The following KCND2 variants were observed in gnomAD, a reference collection of about 807,000 sequenced individuals.
The protein encoded by KCND2 is potassium voltage-gated channel subfamily D member 2.
Under a neutral mutation model 54.4 loss-of-function variants are expected in KCND2, and 16 were observed. The ratio of observed to expected loss-of-function variants is 0.29; its 90% CI spans 0.20 to 0.45. KCND2 has a LOEUF of 0.45. Among genes scored for constraint, KCND2 ranks in the 20% least tolerant of loss-of-function variants. The pLI is 1.00. For missense variants in KCND2, 486 were observed against 824.2 expected (o/e 0.59, Z 5.02); for synonymous variants, 317 against 310.7 (o/e 1.02, Z -0.21).
intron 1 of KCND2, among the ~76,000 whole-genome samples, chr7:120,618,861 A>G (rs1023911831): frequency 1.3e-5 from 2 of 151,986 alleles, no homozygotes; most frequent in African/African-American, 4.8e-5. Flanking sequence ...TATTTTTTTT[A>G]GAGATGAGGT....
At chr7:120,536,888 A>T (rs189661066) in intron 1 of KCND2, among the ~76,000 whole-genome samples, 14 of 152,230 alleles carry the variant, frequency 9.2e-5, no homozygotes, top group Admixed American at 7.2e-4. Context: ...AATGATTCAC[A>T]ATATTTTCTT....
At chr7:120,484,790 TTAAAAG>T (rs1436898174) in intron 1 of KCND2, among the ~76,000 whole-genome samples, 1 of 151,392 alleles carries the variant, frequency 6.6e-6, no homozygotes, top group East Asian at 1.9e-4. Context: ...CAGCAAAAAA[TTAAAAG>T]TAAAATTTTT....
At chr7:120,714,705 A>G (rs1055972906) in intron 1 of KCND2, among the ~76,000 whole-genome samples, 1 of 152,004 alleles carries the variant, frequency 6.6e-6, no homozygotes, top group African/African-American at 2.4e-5. Flanking sequence ...GGGAGTCAAG[A>G]CATCCTTCTT....
intron 1 of KCND2, among the ~76,000 whole-genome samples, chr7:120,529,153 C>T (rs766682120): frequency 3.3e-5 from 5 of 152,040 alleles, no homozygotes; most frequent in Admixed American, 1.3e-4. Context: ...GAAAGTAAGC[C>T]GAGGGCATGC....
chr7:120,683,978 T>A (rs1792170789), intron 1 of KCND2, among the ~76,000 whole-genome samples: 1 of 152,160 alleles, frequency 6.6e-6, no homozygotes, highest in East Asian at 1.9e-4. Flanking sequence ...TCTCTTTTCT[T>A]TTCTTTTTAA....
At chr7:120,450,512 G>GAGT (rs1802086913) in intron 1 of KCND2, among the ~76,000 whole-genome samples, 1 of 152,086 alleles carries the variant, frequency 6.6e-6, no homozygotes, top group African/African-American at 2.4e-5. Context: ...AGCAGAGAAG[G>GAGT]AGTACTAAGA....
intron 1 of KCND2, among the ~76,000 whole-genome samples, chr7:120,437,236 T>C (rs1390892969): frequency 7.2e-6 from 1 of 138,678 alleles, no homozygotes; most frequent in African/African-American, 2.7e-5. Flanking sequence ...AGAATCTTGC[T>C]CTGCTGCCCA....
chr7:120,646,324 G>A (rs1036959392), intron 1 of KCND2, among the ~76,000 whole-genome samples: 1 of 152,114 alleles, frequency 6.6e-6, no homozygotes, highest in Non-Finnish European at 1.5e-5. Flanking sequence ...CTCACTGATA[G>A]CTCCTTCTTT....
chr7:120,290,687 C>G (rs1028782530), intron 1 of KCND2, among the ~76,000 whole-genome samples: 3 of 151,950 alleles, frequency 2.0e-5, no homozygotes, highest in Non-Finnish European at 4.4e-5. Context: ...GTCTAGCTGG[C>G]ATATTATTCA....
At chr7:120,286,983 GA>G (rs1414511277) in intron 1 of KCND2, among the ~76,000 whole-genome samples, 1 of 151,948 alleles carries the variant, frequency 6.6e-6, no homozygotes, top group African/African-American at 2.4e-5. Context: ...GGTGGACAAA[GA>G]AAAGCAGGAA....
At chr7:120,321,947 A>G (rs192422363) in intron 1 of KCND2, among the ~76,000 whole-genome samples, 1 of 152,126 alleles carries the variant, frequency 6.6e-6, no homozygotes, top group Non-Finnish European at 1.5e-5. Flanking sequence ...AGCTCAGAGA[A>G]GATGATGTTA....
chr7:120,575,856 A>G (rs948041793), intron 1 of KCND2, among the ~76,000 whole-genome samples: 1 of 152,200 alleles, frequency 6.6e-6, no homozygotes, highest in African/African-American at 2.4e-5. Flanking sequence ...GAATTTTCCA[A>G]TTCTGTCCCT....
intron 1 of KCND2, among the ~76,000 whole-genome samples, chr7:120,677,283 G>A (rs1431838728): frequency 6.6e-6 from 1 of 152,054 alleles, no homozygotes; most frequent in East Asian, 1.9e-4. Context: ...GACTTACATC[G>A]GGGTTCTTTC....
intron 1 of KCND2, among the ~76,000 whole-genome samples, chr7:120,713,088 C>T (rs775962691): frequency 3.3e-5 from 5 of 152,144 alleles, no homozygotes; most frequent in Non-Finnish European, 5.9e-5. Context: ...TTAATAGCCA[C>T]CTCATTGTGA....
chr7:120,311,741 C>CCCCA (rs1290162669), intron 1 of KCND2, among the ~76,000 whole-genome samples: 1 of 152,138 alleles, frequency 6.6e-6, no homozygotes, highest in Non-Finnish European at 1.5e-5. Flanking sequence ...CTCCAAAAGG[C>CCCCA]CCCAGTGTGT....
intron 1 of KCND2, among the ~76,000 whole-genome samples, chr7:120,671,012 A>G (rs1018778521): frequency 3.3e-5 from 5 of 151,954 alleles, no homozygotes; most frequent in Admixed American, 2.0e-4. Flanking sequence ...CACTATAATT[A>G]TGTTTGTTTA....
intron 1 of KCND2, among the ~76,000 whole-genome samples, chr7:120,703,649 A>C (rs1005615861): frequency 6.6e-6 from 1 of 152,204 alleles, no homozygotes; most frequent in Admixed American, 6.5e-5. Flanking sequence ...AGGAGAAACC[A>C]AAATGCATCC....
intron 1 of KCND2, among the ~76,000 whole-genome samples, chr7:120,277,299 G>A (rs1799190365): frequency 6.6e-6 from 1 of 152,000 alleles, no homozygotes; most frequent in Admixed American, 6.5e-5. Context: ...CAGTTTATAA[G>A]GATAAGGATG....
At chr7:120,562,561 A>C (rs1469773874) in intron 1 of KCND2, among the ~76,000 whole-genome samples, 2 of 151,604 alleles carry the variant, frequency 1.3e-5, no homozygotes, top group Admixed American at 6.6e-5. Context: ...GAAGCAGAAA[A>C]GGATTTTTTT....
Sources: allele counts gnomAD v4.1 joint callset (sites outside exome capture counted in the v4.1 genomes callset), GRCh38; gene constraint gnomAD v4.1.1; transcripts MANE v1.5; gene names NCBI Gene and HGNC (gene_info 2026-07-23, HGNC 2026-07-21).